The following TMEM59L variants were observed in gnomAD, a reference collection of about 807,000 sequenced individuals.
TMEM59L encodes transmembrane protein 59 like.
Under a neutral mutation model 39.6 loss-of-function variants are expected in TMEM59L, and 31 were observed. The ratio of observed to expected loss-of-function variants is 0.78; its 90% CI spans 0.59 to 1.06. The LOEUF (loss-of-function observed/expected upper bound fraction) is 1.06, where lower values mean the gene tolerates loss of function less well. Ranked by LOEUF, TMEM59L falls within the 50% of genes least tolerant of loss-of-function variation. The pLI is 0.00. For missense variants in TMEM59L, 441 were observed against 451.3 expected (o/e 0.98, Z 0.21); for synonymous variants, 219 against 202.9 (o/e 1.08, Z -0.68).
At chr19:18,618,975 G>A (rs371502171) in intron 7 of TMEM59L, among the ~76,000 whole-genome samples, 1 of 151,016 alleles carries the variant, frequency 6.6e-6, no homozygotes, top group South Asian at 2.1e-4. Flanking sequence ...GATTACAGGC[G>A]TGACCCACCG....
At chr19:18,620,191 A>T (rs2145352578) in intron 7 of TMEM59L, among the ~76,000 whole-genome samples, 1 of 152,052 alleles carries the variant, frequency 6.6e-6, no homozygotes, top group Non-Finnish European at 1.5e-5. Flanking sequence ...AGTCCCAGCT[A>T]CTTGGGAGGC....
At chr19:18,613,832 C>G (rs753311708) in intron 1 of TMEM59L, 40 bp from the exon 2 acceptor site, 6 of 1,555,514 alleles carry the variant, frequency 3.9e-6, no homozygotes, top group Non-Finnish European at 5.3e-6. Flanking sequence ...TCCTCCTGCC[C>G]CTCCCCATGG....
intron 6 of TMEM59L, 50 bp downstream of exon 6, chr19:18,618,322 G>C (rs757043858): frequency 6.2e-7 from 1 of 1,605,648 alleles, no homozygotes; most frequent in Non-Finnish European, 8.5e-7. Context: ...TGGAGGTACG[G>C]GTCTCCCTGG....
chr19:18,620,700 C>A lies in TMEM59L; in HGVS notation c.*164C>A. 3 of 1,037,338 alleles carry A rather than the reference C, an allele frequency of 2.9e-6. No individual in the cohort carries two copies. The highest frequency in any genetic ancestry group is 3.3e-4 in the Middle Eastern group (1 of 3,042). The allele number at this position is 1,037,338 out of a possible 1,614,324, so 64.3% of individuals were successfully genotyped here. A position where few individuals can be genotyped will look rare whatever the true frequency, so the allele number is the denominator to read the frequency against. ...CCCTTGCCCCACGGAGTCCTGGGGA[C>A]GCAGTGCCCCAGCTGGGAAGAGGGC... On this transcript the variant is annotated 3_prime_UTR_variant, in exon 8 of 8. Coordinates refer to ENST00000262817, the MANE Select transcript of TMEM59L (RefSeq NM_012109.3).
rs199820188 is a variant in TMEM59L, at chr19:18,618,276, G to C, written c.782+4G>C. On this transcript the variant is annotated splice_donor_region_variant and intron_variant, in intron 6 of 7. Coordinates refer to ENST00000262817, the MANE Select transcript of TMEM59L (RefSeq NM_012109.3). ...ACTTCCTCAGTTGCATGTCCCGGTG[G>C]GTGGCAGGACCTTGGGGGTGGGAGG... 2,029 of 1,360,218 alleles carry C rather than the reference G, an allele frequency of 1.5e-3. 3 individuals carry two copies. The highest frequency in any genetic ancestry group is 1.9e-3 in the Non-Finnish European group (1,861 of 973,292). 84.3% of individuals were successfully genotyped at this position (1,360,218 alleles called of 1,614,324 possible). A position where few individuals can be genotyped will look rare whatever the true frequency, so the allele number is the denominator to read the frequency against.
At chr19:18,618,701 T>TG (rs1976461332) in intron 7 of TMEM59L, among the ~76,000 whole-genome samples, 1 of 92,432 alleles carries the variant, frequency 1.1e-5, no homozygotes, top group Non-Finnish European at 2.6e-5. Flanking sequence ...TATATATATA[T>TG]ATATTTTTTT....
chr19:18,617,940 G>T (rs1345643474), intron 5 of TMEM59L: 4 of 595,898 alleles, frequency 6.7e-6, no homozygotes, highest in African/African-American at 1.9e-5. Flanking sequence ...CTAGGATTCT[G>T]CAGTTCACCC....
At chr19:18,615,800 G>T (rs1048857431) in intron 3 of TMEM59L, among the ~76,000 whole-genome samples, 175 bp from the exon 4 acceptor site, 3 of 152,136 alleles carry the variant, frequency 2.0e-5, no homozygotes, top group Non-Finnish European at 2.9e-5. Context: ...TAGAGACAGG[G>T]TTTCACGATG....
chr19:18,615,870 A>C (rs1221095028), intron 3 of TMEM59L, 105 bp from the exon 4 acceptor site: 3 of 1,414,978 alleles, frequency 2.1e-6, no homozygotes, highest in Non-Finnish European at 1.9e-6. Flanking sequence ...AGCCTTCCAA[A>C]GTGTTGGGAT....
chr19:18,617,245 TC>T, intron 5 of TMEM59L, 143 bp downstream of exon 5: 2 of 715,366 alleles, frequency 2.8e-6, no homozygotes, highest in Non-Finnish European at 5.0e-6. Flanking sequence ...GTCTCCATGG[TC>T]TATTTCCCAG....
chr19:18,613,812 C>T (rs1042091699), intron 1 of TMEM59L, 60 bp from the exon 2 acceptor site: 7 of 1,337,962 alleles, frequency 5.2e-6, no homozygotes, highest in Non-Finnish European at 6.3e-6. Context: ...ATGCTCCGGT[C>T]CCCCCACCCT....
chr19:18,613,877 G>T lies in TMEM59L; in HGVS notation c.177G>T (p.Gly59=), dbSNP rs11538359. ...CCTGTCCTCCCCTCCCCCAGGCGGG[G>T]CTGGAGGGCGCCTCCGAGTCTCCCT... The part of the protein sequence containing the change: ...RDLGPQPSQA[G]LEGASESPYD... Residue 59 remains glycine (G), a synonymous_variant, in exon 2 of 8, where the codon GGG becomes GGT. Coordinates refer to ENST00000262817, the MANE Select transcript of TMEM59L (RefSeq NM_012109.3). The T allele has an allele frequency of 6.8e-6, 11 of 1,611,162 alleles. No individual in the cohort carries two copies. The highest frequency in any genetic ancestry group is 4.4e-5 in the South Asian group (4 of 91,064).
intron 5 of TMEM59L, 42 bp from the exon 6 acceptor site, chr19:18,618,113 A>G: frequency 4.0e-6 from 6 of 1,505,352 alleles, no homozygotes; most frequent in Non-Finnish European, 5.5e-6. Flanking sequence ...GTGGCCTCTT[A>G]GCAAAGACCT....
At position 18,618,164 on chromosome 19, in the gene TMEM59L, G is replaced by T. The variant is rs1025357287; in HGVS notation, c.674G>T (p.Gly225Val). Residue 225 changes from glycine (G) to valine (V), a missense_variant, in exon 6 of 8, where the codon GGC becomes GTC. Physicochemically the swap from Gly to Val is moderately radical, Grantham distance 109. Transcript: ENST00000262817. ...EALEVHVDPV[G>V]PLDKVRKAKI... is the part of the protein sequence containing the mutation. ...GCAGCTGATCTCTCAGACCCTGTAG[G>T]CCCCCTGGACAAGGTGAGGAAGGCC... The T allele has an allele frequency of 1.1e-5, 18 of 1,613,496 alleles. No individual in the cohort carries two copies. The highest frequency in any genetic ancestry group is 1.4e-5 in the Non-Finnish European group (16 of 1,179,698).
intron 3 of TMEM59L, among the ~76,000 whole-genome samples, chr19:18,614,689 C>G (rs1321700816): frequency 6.6e-6 from 1 of 152,236 alleles, no homozygotes; most frequent in Non-Finnish European, 1.5e-5. Flanking sequence ...TCACTGTCAC[C>G]TGGAGGGGCT....
In TMEM59L at chr19:18,613,023, C is replaced by T; in HGVS notation, c.65C>T (p.Ala22Val). 7.2e-7 allele frequency: 1 copy of T among 1,388,456 alleles called. No homozygotes were observed. The highest frequency in any genetic ancestry group is 9.3e-7 in the Non-Finnish European group (1 of 1,072,782). The allele number at this position is 1,388,456 out of a possible 1,614,324, so 86.0% of individuals were successfully genotyped here. Residue 22 changes from alanine (A) to valine (V), a missense_variant, in exon 1 of 8, where the codon GCC (alanine) becomes GTC (valine). Coordinates refer to ENST00000262817, the MANE Select transcript of TMEM59L (RefSeq NM_012109.3). ...CTGCTGCTGTTGGCGTCGCCGCCCG[C>T]CGCCTCCGCGCCGTCCGCCCGCGAT... ...LLLLLLASPP[A>V]ASAPSARDPF...
chr19:18,620,331 TG>T (rs1976481473), intron 7 of TMEM59L, 76 bp from the exon 8 acceptor site: 1 of 1,382,410 alleles, frequency 7.2e-7, no homozygotes, highest in African/African-American at 1.5e-5. Flanking sequence ...CAATCAGAGG[TG>T]GGAAGGAGAC....
chr19:18,612,893 A>G lies in TMEM59L; in HGVS notation c.-66A>G. 8.1e-7 allele frequency: 1 copy of G among 1,231,076 alleles called. No individual in the cohort carries two copies. Among genetic ancestry groups the G allele is most frequent in the Non-Finnish European group, 1.0e-6 (1 of 981,670 alleles). The allele number at this position is 1,231,076 out of a possible 1,614,324, so 76.3% of individuals were successfully genotyped here. A position where few individuals can be genotyped will look rare whatever the true frequency, so the allele number is the denominator to read the frequency against. On this transcript the variant is annotated 5_prime_UTR_variant, in exon 1 of 8. Coordinates refer to ENST00000262817, the MANE Select transcript of TMEM59L (RefSeq NM_012109.3). This position sits in a 1 kb window ranked among gnomAD's most constrained non-coding sequence, Gnocchi z 6.2. ...ACGTCAGCGCCCCGGTCCCCGCCGC[A>G]GCCGCTGCATCCTCCGTGCCCGGCC...
chr19:18,618,302 G>C (rs766463877), intron 6 of TMEM59L, 30 bp downstream of exon 6: 1 of 556,648 alleles, frequency 1.8e-6, no homozygotes, highest in Non-Finnish European at 3.6e-6. Flanking sequence ...GGGTGGGAGG[G>C]GGGTGGGACT....
Sources: gnomAD v4.1 joint callset for allele counts (sites outside exome capture counted in the v4.1 genomes callset) on GRCh38, gnomAD v4.1.1 for gene constraint, Gnocchi (gnomAD v3.1) non-coding constraint, MANE v1.5 for transcripts, NCBI Gene and HGNC (gene_info 2026-07-23, HGNC 2026-07-21) for gene names.